The following SPPL3 variants were observed in gnomAD, a reference collection of about 807,000 sequenced individuals.
SPPL3 encodes the protein signal peptide peptidase like 3.
SPPL3 carries 5 observed loss-of-function variants against 42.4 expected under a neutral mutation model. The observed-to-expected ratio is 0.12, with a 90% CI of 0.06 to 0.25. The LOEUF is 0.25. Among genes scored for constraint, SPPL3 ranks in the 10% least tolerant of loss-of-function variants. The probability of loss-of-function intolerance (pLI) is 1.00; values close to 1 mark genes in which losing one functional copy is unlikely to be tolerated. For missense variants in SPPL3, 235 were observed against 489.0 expected, an observed-to-expected ratio of 0.48 and a Z score of 4.90; for synonymous variants, 195 against 181.8, an observed-to-expected ratio of 1.07 and a Z score of -0.58.
At chr12:120,808,215 C>G (rs543114852) in intron 2 of SPPL3, among the ~76,000 whole-genome samples, 2 of 151,674 alleles carry the variant, frequency 1.3e-5, no homozygotes, top group Non-Finnish European at 2.9e-5. Flanking sequence ...TCCTCCCAGC[C>G]TCCCAGGTAG....
intron 1 of SPPL3, among the ~76,000 whole-genome samples, chr12:120,818,225 A>G (rs144598148): frequency 2.6e-5 from 4 of 152,330 alleles, no homozygotes; most frequent in Admixed American, 2.6e-4. Flanking sequence ...AACTAAATAC[A>G]TGCATTTGAG....
rs546568429 is a variant in SPPL3 at position 120,840,484 on chromosome 12, A to G, written c.24-29598T>C. Among the ~76,000 whole-genome samples, 10 of 152,142 alleles carry G rather than the reference A, an allele frequency of 6.6e-5. No homozygotes were observed. The South Asian group carries it at 2.1e-3, about 32-fold the overall frequency. Reference sequence around the variant, plus strand: ...GGGTGGGAAAATAAAGGAATGGAAAATGAATGTTCATGTGTATGGGTTTCT... The same window carrying G: ...GGGTGGGAAAATAAAGGAATGGAAAGTGAATGTTCATGTGTATGGGTTTCT... On this transcript the variant is annotated intron_variant, in intron 1 of 10. Coordinates refer to ENST00000353487, the MANE Select transcript of SPPL3 (RefSeq NM_139015.5).
At chr12:120,834,976 G>A (rs1328589228) in intron 1 of SPPL3, among the ~76,000 whole-genome samples, 1 of 152,108 alleles carries the variant, frequency 6.6e-6, no homozygotes, top group Non-Finnish European at 1.5e-5. Flanking sequence ...CTATTTTATA[G>A]GGGTGAAAAA....
At chr12:120,828,585 A>G (rs1051371009) in intron 1 of SPPL3, among the ~76,000 whole-genome samples, 3 of 152,156 alleles carry the variant, frequency 2.0e-5, no homozygotes, top group Non-Finnish European at 4.4e-5. Flanking sequence ...AATCTTGGGG[A>G]AAAAAAGTTG....
chr12:120,845,592 A>C, intron 1 of SPPL3: 1 of 470,868 alleles, frequency 2.1e-6, no homozygotes, highest in Non-Finnish European at 4.1e-6. Context: ...GCCCACCATG[A>C]GGATGCACAT....
intron 1 of SPPL3, among the ~76,000 whole-genome samples, chr12:120,863,683 G>GT (rs1168632858): frequency 6.6e-6 from 1 of 151,970 alleles, no homozygotes; most frequent in Non-Finnish European, 1.5e-5. Flanking sequence ...ATGTATTCTC[G>GT]TTTTATTGCT....
intron 1 of SPPL3, among the ~76,000 whole-genome samples, chr12:120,854,901 T>A (rs12831094): frequency 1.3e-5 from 2 of 152,162 alleles, no homozygotes; most frequent in South Asian, 2.1e-4. Context: ...AATATTCTTA[T>A]ATTTATGACA....
At chr12:120,824,531 A>C (rs1324781439) in intron 1 of SPPL3, among the ~76,000 whole-genome samples, 4 of 152,044 alleles carry the variant, frequency 2.6e-5, no homozygotes, top group Admixed American at 1.3e-4. Context: ...TGGTTTTCTT[A>C]AACTTTTATT....
chr12:120,846,416 G>A (rs1011661481), intron 1 of SPPL3, among the ~76,000 whole-genome samples: 1 of 152,096 alleles, frequency 6.6e-6, no homozygotes, highest in African/African-American at 2.4e-5. Flanking sequence ...TTAAAAGCAG[G>A]GAATTTTATT....
At chr12:120,856,972 C>T (rs569965264) in intron 1 of SPPL3, among the ~76,000 whole-genome samples, 1 of 152,054 alleles carries the variant, frequency 6.6e-6, no homozygotes, top group Admixed American at 6.6e-5. Flanking sequence ...GTGATAGGGA[C>T]CCTCTAAACT....
At chr12:120,765,292 T>A (rs1038361931) in intron 10 of SPPL3, among the ~76,000 whole-genome samples, 82 of 151,434 alleles carry the variant, frequency 5.4e-4, no homozygotes, top group African/African-American at 1.9e-3. Flanking sequence ...TTCTGATATT[T>A]TTTTTTTTTG....
At chr12:120,849,886 TTTC>T (rs1872167073) in intron 1 of SPPL3, among the ~76,000 whole-genome samples, 1 of 152,174 alleles carries the variant, frequency 6.6e-6, no homozygotes, top group African/African-American at 2.4e-5. Context: ...GCGTGAAGTA[TTTC>T]TACTGGAAAA....
At chr12:120,825,559 C>T (rs1871209604) in intron 1 of SPPL3, among the ~76,000 whole-genome samples, 1 of 152,204 alleles carries the variant, frequency 6.6e-6, no homozygotes, top group South Asian at 2.1e-4. Flanking sequence ...GCAAATATCG[C>T]TTGTCTTACG....
At chr12:120,859,138 A>G (rs1464482026) in intron 1 of SPPL3, among the ~76,000 whole-genome samples, 2 of 151,790 alleles carry the variant, frequency 1.3e-5, no homozygotes, top group Non-Finnish European at 2.9e-5. Flanking sequence ...AAAATGCTTG[A>G]GACCAGAAGT....
At chr12:120,844,265 C>A (rs1871942129) in intron 1 of SPPL3, among the ~76,000 whole-genome samples, 1 of 152,180 alleles carries the variant, frequency 6.6e-6, no homozygotes, top group Non-Finnish European at 1.5e-5. Context: ...ACCTCCAAAA[C>A]ATAGCCTAAA....
At chr12:120,779,110 C>T (rs563351026) in intron 6 of SPPL3, among the ~76,000 whole-genome samples, 19 of 152,186 alleles carry the variant, frequency 1.2e-4, no homozygotes, top group African/African-American at 4.6e-4. Context: ...AATAAAAACC[C>T]CAAACAATGG....
intron 1 of SPPL3, among the ~76,000 whole-genome samples, chr12:120,832,058 T>C (rs1050502717): frequency 1.3e-5 from 2 of 152,194 alleles, no homozygotes; most frequent in African/African-American, 4.8e-5. Context: ...AAACTGTAAA[T>C]TCATAATAGC....
intron 1 of SPPL3, among the ~76,000 whole-genome samples, chr12:120,836,729 G>C (rs1037050660): frequency 5.3e-5 from 8 of 152,306 alleles, no homozygotes; most frequent in Admixed American, 6.5e-5. Context: ...GGCAACCCAA[G>C]GGATACTTTC....
chr12:120,836,744 T>A (rs1871633904), intron 1 of SPPL3, among the ~76,000 whole-genome samples: 1 of 152,334 alleles, frequency 6.6e-6, no homozygotes, highest in Middle Eastern at 3.4e-3. Context: ...ACTTTCAGTG[T>A]TAGTTCCATT....
Sources: allele counts gnomAD v4.1 joint callset (sites outside exome capture counted in the v4.1 genomes callset), GRCh38; gene constraint gnomAD v4.1.1; transcripts MANE v1.5; gene names NCBI Gene and HGNC (gene_info 2026-07-23, HGNC 2026-07-21).